DNMBP: variants seen among roughly 807,000 people sequenced by gnomAD.
DNMBP encodes the protein dynamin binding protein.
Under a neutral mutation model 150.0 loss-of-function variants are expected in DNMBP, and 87 were observed. The ratio of observed to expected loss-of-function variants is 0.58; its 90% CI spans 0.49 to 0.69. The LOEUF is 0.69. Among genes scored for constraint, DNMBP ranks in the 30% least tolerant of loss-of-function variants. DNMBP has a pLI of 0.00. For synonymous variants in DNMBP, 711 were observed against 750.4 expected (o/e 0.95, Z 0.86); for missense variants, 1,774 against 1,949.0 (o/e 0.91, Z 1.69).
At chr10:99,966,728 A>G (rs1044992311) in intron 3 of DNMBP, among the ~76,000 whole-genome samples, 4 of 152,224 alleles carry the variant, frequency 2.6e-5, no homozygotes, top group African/African-American at 9.6e-5. Context: ...TATAAAGTGA[A>G]GTGTAAGAAA....
At chr10:99,935,615 A>G (rs2040221402) in intron 4 of DNMBP, among the ~76,000 whole-genome samples, 1 of 152,064 alleles carries the variant, frequency 6.6e-6, no homozygotes, top group Non-Finnish European at 1.5e-5. Context: ...CACAGGCTGG[A>G]GTGCAATGGT....
chr10:99,980,512 A>T (rs2133364976), intron 1 of DNMBP, among the ~76,000 whole-genome samples: 1 of 152,196 alleles, frequency 6.6e-6, no homozygotes, highest in Non-Finnish European at 1.5e-5. Context: ...TGAACCTTGA[A>T]GACATTAAGC....
chr10:99,886,692 CAA>C (rs2039472321), intron 12 of DNMBP, 60 bp from the exon 13 acceptor site: 1 of 1,507,636 alleles, frequency 6.6e-7, no homozygotes, highest in East Asian at 2.3e-5. Flanking sequence ...TGTGATTATC[CAA>C]GTCACTCTTA....
rs186847553 is a variant in DNMBP, at chr10:99,898,467, C to A, written c.2721-182G>T. 9 of 698,530 alleles carry A rather than the reference C, an allele frequency of 1.3e-5. No individual in the cohort carries two copies. The East Asian group carries it at 2.4e-4, about 19-fold the overall frequency. 43.3% of individuals were successfully genotyped at this position (698,530 alleles called of 1,614,324 possible). A position where few individuals can be genotyped will look rare whatever the true frequency, so the allele number is the denominator to read the frequency against. ...TTTTACCCTACTTTCCAATTTCAGT[C>A]ATTCAACATGTATTCATCTAATAAA... On this transcript the variant is annotated intron_variant, in intron 8 of 16. Transcript: ENST00000324109.
chr10:99,974,614 C>T (rs1363014549), intron 1 of DNMBP, among the ~76,000 whole-genome samples: 2 of 152,098 alleles, frequency 1.3e-5, no homozygotes, highest in Non-Finnish European at 2.9e-5. Context: ...CCTCCTGCCT[C>T]AGCCTCCCAA....
rs375973639 is a variant in DNMBP at position 99,886,643 on chromosome 10, G to C, written c.3286-11C>G. On this transcript the variant is annotated splice_polypyrimidine_tract_variant and intron_variant, in intron 12 of 16. Coordinates refer to ENST00000324109, the MANE Select transcript of DNMBP (RefSeq NM_015221.4). ...CTCTGTCCTCTCCTTCTGTAGGGACGAGAAAGGCACATTGCTCAGCTGGAC... is the reference window on the plus strand; with the variant it reads ...CTCTGTCCTCTCCTTCTGTAGGGACCAGAAAGGCACATTGCTCAGCTGGAC... 1 of 1,604,410 alleles carries C rather than the reference G, an allele frequency of 6.2e-7. No individual in the cohort carries two copies. The highest frequency in any genetic ancestry group is 8.5e-7 in the Non-Finnish European group (1 of 1,173,372).
intron 15 of DNMBP, among the ~76,000 whole-genome samples, 149 bp downstream of exon 15, chr10:99,883,844 AATGATCTTCACTCTCTAG>A (rs1009963808): frequency 1.3e-5 from 2 of 152,058 alleles, no homozygotes; most frequent in African/African-American, 4.8e-5. Context: ...TTGTTTCAGT[AATGATCTTCACTCTCTAG>A]AGAAGGTTAA....
At chr10:99,946,335 A>C (rs1269755436) in intron 4 of DNMBP, among the ~76,000 whole-genome samples, 1 of 152,254 alleles carries the variant, frequency 6.6e-6, no homozygotes, top group Non-Finnish European at 1.5e-5. Context: ...TGATGTATGA[A>C]ATATTAGTCA....
chr10:99,958,457 T>A (rs889906840), intron 3 of DNMBP: 4 of 152,222 alleles, frequency 2.6e-5, no homozygotes, highest in Admixed American at 2.0e-4. Flanking sequence ...TGTGCAAGAA[T>A]GAATAACAGA....
At chr10:99,902,712 G>C (rs12781631) in intron 6 of DNMBP, among the ~76,000 whole-genome samples, 47,262 of 150,184 alleles carry the variant, frequency 0.31, 7,992 homozygotes, top group Non-Finnish European at 0.38. Flanking sequence ...CGGATCCCCT[G>C]AGGTCAGCAG....
At chr10:99,934,416 G>C (rs1589426739) in intron 4 of DNMBP, among the ~76,000 whole-genome samples, 1 of 145,542 alleles carries the variant, frequency 6.9e-6, no homozygotes, top group East Asian at 2.0e-4. Flanking sequence ...GTGTGGAATA[G>C]GGTCTCATAT....
chr10:99,920,152 C>G (rs1454987885), intron 4 of DNMBP, among the ~76,000 whole-genome samples: 1 of 151,650 alleles, frequency 6.6e-6, no homozygotes, highest in Non-Finnish European at 1.5e-5. Flanking sequence ...CTCGCCTCAC[C>G]GCAACCTCCG....
intron 1 of DNMBP, among the ~76,000 whole-genome samples, chr10:99,987,734 CAAA>C (rs770550556): frequency 9.6e-6 from 1 of 104,162 alleles, no homozygotes; most frequent in Non-Finnish European, 2.0e-5. Context: ...GACCCCATGT[CAAA>C]AAAAAAAAAA....
At chr10:99,987,933 TTAAC>T (rs2040845459) in intron 1 of DNMBP, among the ~76,000 whole-genome samples, 1 of 152,202 alleles carries the variant, frequency 6.6e-6, no homozygotes, top group African/African-American at 2.4e-5. Context: ...GGTCGATTAA[TTAAC>T]TATGTCCTAG....
intron 1 of DNMBP, among the ~76,000 whole-genome samples, chr10:99,997,668 C>T (rs2040963073): frequency 6.6e-6 from 1 of 151,970 alleles, no homozygotes; most frequent in African/African-American, 2.4e-5. Flanking sequence ...AAAAGGAGGC[C>T]AGGTGCGGTG....
chr10:99,887,337 A>T (rs983059097), intron 12 of DNMBP, among the ~76,000 whole-genome samples: 1 of 152,140 alleles, frequency 6.6e-6, no homozygotes, highest in African/African-American at 2.4e-5. Context: ...GAAGTTTGAG[A>T]CCAGCCTGGC....
At chr10:99,929,738 G>A (rs2040125944) in intron 4 of DNMBP, 1 of 702,916 alleles carries the variant, frequency 1.4e-6, no homozygotes, top group Non-Finnish European at 2.6e-6. Flanking sequence ...AATGCCAGAT[G>A]TTCTTCTCTA....
At chr10:99,911,697 T>C (rs1233239862) in intron 4 of DNMBP, among the ~76,000 whole-genome samples, 1 of 152,218 alleles carries the variant, frequency 6.6e-6, no homozygotes, top group Admixed American at 6.5e-5. Flanking sequence ...ATTTTCTGTA[T>C]ATTTGGTATT....
intron 11 of DNMBP, among the ~76,000 whole-genome samples, chr10:99,890,227 G>A (rs1469054417): frequency 6.6e-6 from 1 of 152,152 alleles, no homozygotes; most frequent in Non-Finnish European, 1.5e-5. Context: ...ATGTTATAAA[G>A]TCCCCAAATA....
Sources: allele counts gnomAD v4.1 joint callset (sites outside exome capture counted in the v4.1 genomes callset), GRCh38; gene constraint gnomAD v4.1.1; transcripts MANE v1.5; gene names NCBI Gene and HGNC (gene_info 2026-07-23, HGNC 2026-07-21).